PTPRZ1: variants seen among roughly 807,000 people sequenced by gnomAD.
The protein encoded by PTPRZ1 is receptor-type tyrosine-protein phosphatase zeta.
A neutral mutation model predicts 214.1 loss-of-function variants in PTPRZ1; 82 were observed. The observed-to-expected ratio is 0.38, with a 90% CI of 0.32 to 0.46. The LOEUF is 0.46. Ranked by LOEUF, PTPRZ1 falls within the 20% of genes least tolerant of loss-of-function variation. PTPRZ1 has a pLI of 1.00. For missense variants in PTPRZ1, 2,603 were observed against 2,748.7 expected (o/e 0.95, Z 1.19); for synonymous variants, 945 against 987.9 (o/e 0.96, Z 0.81).
At position 121,964,886 on chromosome 7, in the gene PTPRZ1, T is replaced by A. The variant is rs553423773; in HGVS notation, c.125-3065T>A. Among the ~76,000 whole-genome samples, 7 of 152,192 alleles carry A rather than the reference T, an allele frequency of 4.6e-5. No homozygotes were observed. The East Asian group carries it at 7.7e-4, about 17-fold the overall frequency. On this transcript the variant is annotated intron_variant, in intron 2 of 29. Transcript: ENST00000393386. ...GCTTTTGCATGCTCAAGGGACAGAA[T>A]GGAAGCCAGTGTGGCTGGAGCAGAG...
rs1792383881 is a variant in PTPRZ1, at chr7:122,057,313, TTTAATTTGCATTTCTCTTGTTGAA to T, written c.6529-1486_6529-1463del. 2.0e-5 allele frequency among the ~76,000 whole-genome samples: 3 copies of T among 151,972 alleles called. No individual in the cohort carries two copies. The South Asian group carries it at 6.2e-4, about 31-fold the overall frequency. On this transcript the variant is annotated intron_variant, in intron 27 of 29. Coordinates refer to ENST00000393386, the MANE Select transcript of PTPRZ1 (RefSeq NM_002851.3). ...GAATGAAACGGCATCTCTTGTTGGT[TTTAATTTGCATTTCTCTTGTTGAA>T]AATGAAGTTTTCAACATAACTTTAC...
At chr7:121,908,140 G>A (rs1042188976) in intron 1 of PTPRZ1, among the ~76,000 whole-genome samples, 3 of 152,044 alleles carry the variant, frequency 2.0e-5, no homozygotes, top group Non-Finnish European at 4.4e-5. Flanking sequence ...ATATTAAGAA[G>A]GGTTAATCAT....
Position 122,012,607 on chromosome 7 carries a change from G to A in PTPRZ1, c.3561G>A (p.Gln1187=), listed in dbSNP as rs1584741485. 1.2e-6 allele frequency: 2 copies of A among 1,613,624 alleles called. No individual in the cohort carries two copies. The highest frequency in any genetic ancestry group is 1.7e-6 in the Non-Finnish European group (2 of 1,179,750). The change falls in exon 12 of 30, where the codon CAG becomes CAA. Residue 1187 remains glutamine (Q), a synonymous_variant. Coordinates refer to ENST00000393386, the MANE Select transcript of PTPRZ1 (RefSeq NM_002851.3). Reference sequence around the variant, plus strand: ...AAGTATTGCTACAACCTTCCTTTCAGGCTTCTGATGTTGACACCTTGCTTA... The same window carrying A: ...AAGTATTGCTACAACCTTCCTTTCAAGCTTCTGATGTTGACACCTTGCTTA... The part of the protein sequence containing the change: ...STEVLLQPSF[Q]ASDVDTLLKT...
At chr7:122,056,985 G>C (rs920928002) in intron 27 of PTPRZ1, among the ~76,000 whole-genome samples, 1 of 151,854 alleles carries the variant, frequency 6.6e-6, no homozygotes, top group Non-Finnish European at 1.5e-5. Context: ...CTGCTGCTTA[G>C]CATTCCAGAT....
intron 1 of PTPRZ1, among the ~76,000 whole-genome samples, chr7:121,878,478 T>G (rs1794131014): frequency 2.0e-5 from 3 of 152,252 alleles, no homozygotes; most frequent in Admixed American, 6.5e-5. Context: ...TTATGGTTTG[T>G]GTTGTGTTAG....
chr7:122,052,385 C>T (rs970372400), intron 25 of PTPRZ1, among the ~76,000 whole-genome samples: 1 of 152,120 alleles, frequency 6.6e-6, no homozygotes, highest in Admixed American at 6.5e-5. Flanking sequence ...TCTAAAGATA[C>T]AATGCTTTTC....
At chr7:122,045,883 A>G (rs531104187) in intron 23 of PTPRZ1, among the ~76,000 whole-genome samples, 1 of 152,270 alleles carries the variant, frequency 6.6e-6, no homozygotes, top group Non-Finnish European at 1.5e-5. Flanking sequence ...TCCTGTTAAC[A>G]TCATAAATAG....
chr7:122,051,841 T>G lies in PTPRZ1; in HGVS notation c.6179-25T>G, dbSNP rs139052874. The G allele has an allele frequency of 4.2e-4, 673 of 1,604,760 alleles. 3 individuals are homozygous for G. In the African/African-American group the frequency reaches 7.9e-3, roughly 19 times the overall value. On this transcript the variant is annotated intron_variant, in intron 24 of 29. Coordinates refer to ENST00000393386, the MANE Select transcript of PTPRZ1 (RefSeq NM_002851.3). ...TTGTTTTGTTTTGTTTTGTTTTGTT[T>G]TACAATGAATGTTCTGTGTTCCAGT...
intron 12 of PTPRZ1, 22 bp from the exon 13 acceptor site, chr7:122,019,102 T>A (rs760847754): frequency 6.3e-7 from 1 of 1,579,970 alleles, no homozygotes. Context: ...ATATCAATTC[T>A]CTCAATTTTC....
intron 1 of PTPRZ1, among the ~76,000 whole-genome samples, chr7:121,882,802 TATA>T (rs1794283556): frequency 6.6e-6 from 1 of 152,296 alleles, no homozygotes; most frequent in East Asian, 1.9e-4. Context: ...TCATTTGGGA[TATA>T]ATAATATCAT....
intron 1 of PTPRZ1, among the ~76,000 whole-genome samples, chr7:121,877,427 A>G (rs1425525742): frequency 6.6e-6 from 1 of 152,252 alleles, no homozygotes; most frequent in South Asian, 2.1e-4. Context: ...GATTTTGCCC[A>G]TGTACTCTTG....
At chr7:121,927,901 C>T (rs995411403) in intron 1 of PTPRZ1, among the ~76,000 whole-genome samples, 1 of 152,158 alleles carries the variant, frequency 6.6e-6, no homozygotes, top group Admixed American at 6.5e-5. Context: ...TCTTTCATTA[C>T]CTAAATATGT....
intron 3 of PTPRZ1, 71 bp from the exon 4 acceptor site, chr7:121,972,470 G>A (rs1797282972): frequency 7.2e-7 from 1 of 1,385,186 alleles, no homozygotes; most frequent in Non-Finnish European, 9.8e-7. Context: ...ACCTTAAGTA[G>A]ATGGAAATTT....
chr7:121,980,261 G>C (rs979933645), intron 6 of PTPRZ1, among the ~76,000 whole-genome samples: 2 of 152,064 alleles, frequency 1.3e-5, no homozygotes, highest in African/African-American at 4.8e-5. Flanking sequence ...CATTTTTCAT[G>C]AAATATTTGT....
At chr7:122,042,853 G>C (rs185924039) in intron 22 of PTPRZ1, 110 bp downstream of exon 22, 13 of 1,192,908 alleles carry the variant, frequency 1.1e-5, no homozygotes, top group Admixed American at 4.2e-5. Flanking sequence ...AAACTGGGTG[G>C]GTTAGAACAA....
At chr7:121,972,438 A>G (rs1797281698) in intron 3 of PTPRZ1, 103 bp from the exon 4 acceptor site, 2 of 1,196,200 alleles carry the variant, frequency 1.7e-6, no homozygotes, top group South Asian at 1.8e-5. Context: ...AAATTTATCA[A>G]ATAAATGATT....
chr7:122,049,001 A>G (rs1438766187), intron 23 of PTPRZ1, among the ~76,000 whole-genome samples: 1 of 152,128 alleles, frequency 6.6e-6, no homozygotes, highest in Non-Finnish European at 1.5e-5. Flanking sequence ...CTTTAATATC[A>G]TGAGCAAGTA....
At chr7:121,928,351 T>C in intron 2 of PTPRZ1, 130 bp downstream of exon 2, 1 of 574,014 alleles carries the variant, frequency 1.7e-6, no homozygotes, top group Non-Finnish European at 3.0e-6. Flanking sequence ...GTTAGATTAA[T>C]TAATAGATAT....
intron 28 of PTPRZ1, 67 bp from the exon 29 acceptor site, chr7:122,059,686 T>A: frequency 6.6e-7 from 1 of 1,516,804 alleles, no homozygotes; most frequent in Non-Finnish European, 8.8e-7. Flanking sequence ...ATATGCTTTG[T>A]GAGTTCTAAA....
Sources: gnomAD v4.1 joint callset for allele counts (sites outside exome capture counted in the v4.1 genomes callset) on GRCh38, gnomAD v4.1.1 for gene constraint, MANE v1.5 for transcripts, NCBI Gene and HGNC (gene_info 2026-07-23, HGNC 2026-07-21) for gene names.